Variants in BRCA1 observed in about 807,000 individuals in gnomAD.
BRCA1 encodes the protein BRCA1 DNA repair associated.
BRCA1 carries 140 observed loss-of-function variants against 173.7 expected under a neutral mutation model. The ratio of observed to expected loss-of-function variants is 0.81; its 90% CI spans 0.70 to 0.93. The LOEUF (loss-of-function observed/expected upper bound fraction) is 0.93, where lower values mean the gene tolerates loss of function less well. BRCA1 is among the 40% of genes least tolerant of loss of function. The pLI, the probability that BRCA1 is intolerant of heterozygous loss-of-function variation, is 0.00. For missense variants in BRCA1, 1,983 were observed against 2,172.5 expected (o/e 0.91, Z 1.73); for synonymous variants, 662 against 756.0 (o/e 0.88, Z 2.04).
intron 1 of BRCA1, among the ~76,000 whole-genome samples, chr17:43,147,192 G>A (rs1313953190): frequency 6.6e-6 from 1 of 152,040 alleles, no homozygotes; most frequent in Non-Finnish European, 1.5e-5. Context: ...TAGCGACGGG[G>A]TTTCTTTTTT....
upstream of BRCA1, among the ~76,000 whole-genome samples, chr17:43,128,463 C>T (rs1245869470): frequency 1.3e-5 from 2 of 152,238 alleles, no homozygotes; most frequent in East Asian, 3.9e-4. Context: ...CGTGAGGGTC[C>T]GCAACTTCAT....
At chr17:43,057,009 T>A in intron 19 of BRCA1, 43 bp downstream of exon 19, 2 of 1,566,348 alleles carry the variant, frequency 1.3e-6, no homozygotes, top group Non-Finnish European at 1.8e-6. Context: ...GAATACAGAG[T>A]GGTGGGGTGA....
intron 1 of BRCA1, among the ~76,000 whole-genome samples, chr17:43,133,411 T>G (rs773926538): frequency 2.6e-5 from 4 of 152,134 alleles, no homozygotes; most frequent in Non-Finnish European, 4.4e-5. Context: ...GGGCTTAGGA[T>G]TCTGCATTTT....
intron 8 of BRCA1, 61 bp from the exon 9 acceptor site, chr17:43,095,983 A>C: frequency 7.4e-7 from 1 of 1,350,996 alleles, no homozygotes; most frequent in Non-Finnish European, 1.1e-6. Context: ...AGAACTGTCA[A>C]ATGACCAAGA....
In BRCA1 at chr17:43,071,102, T is replaced by C. The variant is rs28897693; in HGVS notation, c.4812A>G (p.Gln1604=). The C allele has an allele frequency of 1.1e-3, 1,766 of 1,614,140 alleles. 16 individuals are homozygous for C. The highest frequency in any genetic ancestry group is 3.9e-3 in the South Asian group (352 of 91,082). Residue 1604 remains glutamine (Q), a synonymous_variant, in exon 15 of 23, where the codon CAA becomes CAG. Coordinates refer to ENST00000357654, the MANE Select transcript of BRCA1 (RefSeq NM_007294.4). ...TCTGGGCAGATTCTGCAACTTTCAA[T>C]TGGGGAACTTTCAATGCAGAGGTTG... The part of the protein sequence containing the change: ...PSSTSALKVP[Q]LKVAESAQSP...
rs55874646 is a variant in BRCA1, at chr17:43,094,585, T to C, written c.946A>G (p.Ser316Gly). 3.7e-5 allele frequency: 60 copies of C among 1,614,080 alleles called. No individual in the cohort carries two copies. The highest frequency in any genetic ancestry group is 4.8e-5 in the Non-Finnish European group (57 of 1,180,034). ...NKSKQPGLAR[S>G]QHNRWAGSKE... ...CTTCCAGCCCATCTGTTATGTTGGCTCCTTGCTAAGCCAGGCTGTTTGCTT... is the reference window on the plus strand; with the variant it reads ...CTTCCAGCCCATCTGTTATGTTGGCCCCTTGCTAAGCCAGGCTGTTTGCTT... The change falls in exon 10 of 23, where the codon AGC becomes GGC. Residue 316 changes from serine (S) to glycine (G), a missense_variant. Ser to Gly is a moderately conservative substitution (Grantham distance 56). Coordinates refer to ENST00000357654, the MANE Select transcript of BRCA1 (RefSeq NM_007294.4).
At chr17:43,121,652 C>T (rs1389496579) in intron 2 of BRCA1, among the ~76,000 whole-genome samples, 1 of 130,090 alleles carries the variant, frequency 7.7e-6, no homozygotes, top group African/African-American at 3.0e-5. Context: ...CACTGCACTC[C>T]AGCCTGGGCA....
rs1476053792 is a variant in BRCA1, at chr17:43,142,938, G to GTA, written c.-19-18824_-19-18823insTA. Among the ~76,000 whole-genome samples the GTA allele has an allele frequency of 3.1e-3, 451 of 144,194 alleles. 3 individuals are homozygous for GTA. Among genetic ancestry groups the GTA allele is most frequent in the African/African-American group, 0.012 (428 of 37,096 alleles). The allele number at this position is 144,194 out of a possible 152,430, so 94.6% of individuals were successfully genotyped here. A position where few individuals can be genotyped will look rare whatever the true frequency, so the allele number is the denominator to read the frequency against. On this transcript the variant is annotated intron_variant, in intron 1 of 7. Transcript: ENST00000634433. ...TTTGTGTGTGTGTGTGTGTGTGTGT[G>GTA]TGTATATATATATGTGTGTGTGTGT...
chr17:43,128,599 TG>T (rs2055937174), upstream of BRCA1, among the ~76,000 whole-genome samples: 1 of 152,186 alleles, frequency 6.6e-6, no homozygotes, highest in South Asian at 2.1e-4. Flanking sequence ...AGAGAGTCCT[TG>T]GGGTGGTGAC....
chr17:43,105,111 G>A (rs113410763), intron 4 of BRCA1, among the ~76,000 whole-genome samples, 155 bp from the exon 5 acceptor site: 1 of 152,148 alleles, frequency 6.6e-6, no homozygotes, highest in Admixed American at 6.6e-5. Flanking sequence ...TGTATAAACC[G>A]TGTGATGGCA....
At position 43,091,637 on chromosome 17, in the gene BRCA1, TGAA is replaced by T. The variant is rs80358339; in HGVS notation, c.3891_3893del (p.Ser1298del). The stretch of plus-strand genomic sequence containing the variant: ...TCAAGTCTTCCAATTCACTGCACTG[TGAA>T]GAAAACAAGCTAGCAGAACATTTTG... On this transcript the variant is annotated inframe_deletion, in exon 10 of 23. Transcript: ENST00000357654. 8.7e-6 allele frequency: 14 copies of T among 1,614,214 alleles called. No homozygotes were observed. The highest frequency in any genetic ancestry group is 1.2e-5 in the Non-Finnish European group (14 of 1,180,032).
At chr17:43,135,273 C>A (rs1209291127) in intron 1 of BRCA1, among the ~76,000 whole-genome samples, 4 of 151,426 alleles carry the variant, frequency 2.6e-5, no homozygotes, top group Non-Finnish European at 5.9e-5. Context: ...ATCCGCAGGC[C>A]TGCAGGGAGC....
At chr17:43,137,353 C>T (rs1011821108) in intron 1 of BRCA1, among the ~76,000 whole-genome samples, 4 of 151,042 alleles carry the variant, frequency 2.6e-5, no homozygotes, top group Admixed American at 2.6e-4. Flanking sequence ...GTGCAGCACA[C>T]CAACATGACA....
intron 11 of BRCA1, among the ~76,000 whole-genome samples, chr17:43,084,056 A>T (rs1409996978): frequency 2.2e-5 from 3 of 135,764 alleles, no homozygotes; most frequent in Admixed American, 7.4e-5. Flanking sequence ...TTTGAGACGG[A>T]GTCTCACTTT....
intron 1 of BRCA1, chr17:43,169,981 T>C (rs2154581824): frequency 2.1e-6 from 1 of 470,234 alleles, no homozygotes; most frequent in East Asian, 6.3e-5. Context: ...CTGGCTGCTT[T>C]AATAAGGGCA....
At chr17:43,153,025 A>T (rs1483370165) in intron 1 of BRCA1, among the ~76,000 whole-genome samples, 1 of 152,094 alleles carries the variant, frequency 6.6e-6, no homozygotes, top group Admixed American at 6.6e-5. Flanking sequence ...ATAGAGTGAG[A>T]TTCTGTCTCA....
At chr17:43,084,266 A>G (rs2053143419) in intron 11 of BRCA1, among the ~76,000 whole-genome samples, 1 of 152,080 alleles carries the variant, frequency 6.6e-6, no homozygotes, top group Non-Finnish European at 1.5e-5. Context: ...TCCTGACCAC[A>G]TGATCCTCCC....
intron 19 of BRCA1, among the ~76,000 whole-genome samples, chr17:43,056,017 T>C (rs1457924338): frequency 1.3e-5 from 2 of 152,172 alleles, no homozygotes; most frequent in African/African-American, 2.4e-5. Context: ...ACTTATTACC[T>C]GTGTGACTTT....
chr17:43,098,611 C>T (rs1225056139), intron 7 of BRCA1, among the ~76,000 whole-genome samples: 1 of 151,756 alleles, frequency 6.6e-6, no homozygotes, highest in East Asian at 1.9e-4. Flanking sequence ...AGGTGATCTA[C>T]CTGCCTCAGC....
Sources: gnomAD v4.1 joint callset for allele counts (sites outside exome capture counted in the v4.1 genomes callset) on GRCh38, gnomAD v4.1.1 for gene constraint, MANE v1.5 for transcripts, NCBI Gene and HGNC (gene_info 2026-07-23, HGNC 2026-07-21) for gene names.